The following ITPRID2 variants were observed in gnomAD, a reference collection of about 807,000 sequenced individuals.
ITPRID2 encodes the protein ITPR interacting domain containing 2, also known as protein ITPRID2.
A neutral mutation model predicts 124.3 loss-of-function variants in ITPRID2; 60 were observed. The observed-to-expected ratio is 0.48, with a 90% CI of 0.39 to 0.60. ITPRID2 has a LOEUF of 0.60. Among genes scored for constraint, ITPRID2 ranks in the 20% least tolerant of loss-of-function variants. ITPRID2 has a pLI of 0.00. For synonymous variants in ITPRID2, 521 were observed against 542.9 expected (o/e 0.96, Z 0.56); for missense variants, 1,553 against 1,512.2 (o/e 1.03, Z -0.45).
rs1574273411 is a variant in ITPRID2, at chr2:181,915,566, T to C, written c.1926T>C (p.Ala642=). 1.2e-6 allele frequency: 2 copies of C among 1,614,236 alleles called. No individual in the cohort carries two copies. Among genetic ancestry groups the C allele is most frequent in the Non-Finnish European group, 1.7e-6 (2 of 1,180,046 alleles). The change falls in exon 11 of 18, where the codon GCT becomes GCC. Residue 642 remains alanine (A), a synonymous_variant. Transcript: ENST00000431877. ...ETVELLREAS[A]ESDVGKSSES... ...TAGAGCTACTGAGGGAAGCAAGTGC[T>C]GAAAGTGATGTGGGTAAAAGCAGTG...
At chr2:181,894,680 C>A (rs1307173662) in intron 2 of ITPRID2, 1 of 152,006 alleles carries the variant, frequency 6.6e-6, no homozygotes, top group Non-Finnish European at 1.5e-5. Context: ...ATAAAGATAC[C>A]GTGTTTTCTT....
chr2:181,900,046 C>G (rs954538345), intron 6 of ITPRID2, among the ~76,000 whole-genome samples: 2 of 152,168 alleles, frequency 1.3e-5, no homozygotes, highest in African/African-American at 4.8e-5. Flanking sequence ...TCTTAGAAAG[C>G]TTGGATTATC....
At chr2:181,895,492 GAT>G (rs981686714) in intron 2 of ITPRID2, among the ~76,000 whole-genome samples, 6 of 151,992 alleles carry the variant, frequency 3.9e-5, no homozygotes, top group African/African-American at 1.4e-4. Context: ...TACATAAAAA[GAT>G]AGTTGTTGGG....
In ITPRID2 at chr2:181,929,786, C is replaced by T; in HGVS notation, c.*239C>T. The T allele has an allele frequency of 1.9e-6, 1 of 514,142 alleles. No homozygotes were observed. The highest frequency in any genetic ancestry group is 2.0e-5 in the African/African-American group (1 of 50,784). 31.8% of individuals were successfully genotyped at this position (514,142 alleles called of 1,614,324 possible). The stretch of plus-strand genomic sequence containing the variant: ...CAAAAACTCTAGCAGTTTGAAAAGC[C>T]TAATATTTATTTGTATGTCAGTATT... On this transcript the variant is annotated 3_prime_UTR_variant, in exon 18 of 18. Transcript: ENST00000431877.
chr2:181,895,984 A>C, intron 2 of ITPRID2, 46 bp from the exon 3 acceptor site: 1 of 1,559,480 alleles, frequency 6.4e-7, no homozygotes, highest in Non-Finnish European at 8.8e-7. Flanking sequence ...CAACTTTCCA[A>C]ATAGCCTTTC....
At position 181,919,564 on chromosome 2, in the gene ITPRID2, A is replaced by G. The variant is rs1694333383; in HGVS notation, c.3144+118A>G. 7.0e-6 allele frequency: 8 copies of G among 1,137,258 alleles called. No homozygotes were observed. Among genetic ancestry groups the G allele is most frequent in the African/African-American group, 3.2e-5 (2 of 63,256 alleles). 70.4% of individuals were successfully genotyped at this position (1,137,258 alleles called of 1,614,324 possible). ...TATTTTAATGGTATTAAAAGCATGC[A>G]TACTGTTTAAGGAGCTTTCCCACAA... On this transcript the variant is annotated intron_variant, in intron 14 of 17. Transcript: ENST00000431877. This position sits in a 1 kb window ranked among gnomAD's most constrained non-coding sequence, Gnocchi z 4.2.
At chr2:181,913,782 T>G in intron 9 of ITPRID2, 63 bp from the exon 10 acceptor site, 1 of 1,216,846 alleles carries the variant, frequency 8.2e-7, no homozygotes, top group African/African-American at 1.5e-5. Flanking sequence ...CAGTAATTTC[T>G]TATAGCCACT....
intron 11 of ITPRID2, 88 bp from the exon 12 acceptor site, chr2:181,918,510 G>C: frequency 6.4e-7 from 1 of 1,554,070 alleles, no homozygotes; most frequent in Non-Finnish European, 8.6e-7. Context: ...AAAATATATA[G>C]GCCCCAAATT....
chr2:181,893,646 T>A (rs968848062), intron 2 of ITPRID2: 3 of 152,156 alleles, frequency 2.0e-5, no homozygotes, highest in Non-Finnish European at 2.9e-5. Flanking sequence ...CATAGACCCT[T>A]CTGAAATATG....
chr2:181,901,517 G>A (rs374640599), intron 7 of ITPRID2, among the ~76,000 whole-genome samples: 9 of 152,058 alleles, frequency 5.9e-5, no homozygotes, highest in African/African-American at 2.2e-4. Flanking sequence ...ATTCAATGTT[G>A]CCATTATGCT....
rs987982376 is a variant in ITPRID2 at position 181,914,335 on chromosome 2, C to G, written c.1575+402C>G. On this transcript the variant is annotated intron_variant, in intron 10 of 17. Coordinates refer to ENST00000431877, the MANE Select transcript of ITPRID2 (RefSeq NM_001130445.3). ...GCTGAGTGTTATACTGATTTTTACA[C>G]TAGGTTGTGTGAGATAACCCAGAGA... Among the ~76,000 whole-genome samples the G allele has an allele frequency of 3.3e-5, 5 of 152,192 alleles. No individual in the cohort carries two copies. The East Asian group carries it at 9.6e-4, about 29-fold the overall frequency.
intron 8 of ITPRID2, among the ~76,000 whole-genome samples, chr2:181,908,718 T>C (rs996566693): frequency 2.0e-5 from 3 of 152,204 alleles, no homozygotes; most frequent in African/African-American, 7.2e-5. Context: ...AATTGGGTAA[T>C]ACTATCTTTA....
Position 181,892,522 on chromosome 2 carries a change from G to T in ITPRID2, c.212-93G>T. ...ACGTGTCGCTTAGGCTGCATTTGCC[G>T]TGGTAGATTTTCCTACTTGGGAGGG... On this transcript the variant is annotated intron_variant, in intron 1 of 17. Coordinates refer to ENST00000431877, the MANE Select transcript of ITPRID2 (RefSeq NM_001130445.3). This position sits in a 1 kb window ranked among gnomAD's most constrained non-coding sequence, Gnocchi z 5.2. 2.0e-6 allele frequency: 3 copies of T among 1,490,866 alleles called. No individual in the cohort carries two copies. Among genetic ancestry groups the T allele is most frequent in the Admixed American group, 1.7e-5 (1 of 59,482 alleles). 92.4% of individuals were successfully genotyped at this position (1,490,866 alleles called of 1,614,324 possible).
rs546757350 is a variant in ITPRID2, at chr2:181,892,495, A to G, written c.212-120A>G. The G allele has an allele frequency of 2.3e-6, 3 of 1,314,342 alleles. No individual in the cohort carries two copies. In the African/African-American group the frequency reaches 4.4e-5, roughly 19 times the overall value. The allele number at this position is 1,314,342 out of a possible 1,614,324, so 81.4% of individuals were successfully genotyped here. A position where few individuals can be genotyped will look rare whatever the true frequency, so the allele number is the denominator to read the frequency against. On this transcript the variant is annotated intron_variant, in intron 1 of 17. Coordinates refer to ENST00000431877, the MANE Select transcript of ITPRID2 (RefSeq NM_001130445.3). This position sits in a 1 kb window ranked among gnomAD's most constrained non-coding sequence, Gnocchi z 5.2. Reference sequence around the variant, plus strand: ...CCGATTTCCCTGCCAAGGGACACTGAGACGTGTCGCTTAGGCTGCATTTGC... The same window carrying G: ...CCGATTTCCCTGCCAAGGGACACTGGGACGTGTCGCTTAGGCTGCATTTGC...
In ITPRID2 at chr2:181,927,144, A is replaced by G. The variant is rs1694924656; in HGVS notation, c.3676-1017A>G. On this transcript the variant is annotated intron_variant, in intron 16 of 17. Transcript: ENST00000431877. ...ATGTATTGTGTACCAATTTTGCATG[A>G]TAGACTAATACAGGACCATTTTTGG... Among the ~76,000 whole-genome samples, 4 of 152,200 alleles carry G rather than the reference A, an allele frequency of 2.6e-5. No individual in the cohort carries two copies. In the South Asian group the frequency reaches 8.3e-4, roughly 31 times the overall value.
chr2:181,899,241 AC>A, intron 6 of ITPRID2, 129 bp downstream of exon 6: 3 of 652,034 alleles, frequency 4.6e-6, no homozygotes, highest in Non-Finnish European at 7.9e-6. Context: ...CGTTTCCTGT[AC>A]CAGCACAACT....
At position 181,902,261 on chromosome 2, in the gene ITPRID2, A is replaced by G. The variant is rs147357576; in HGVS notation, c.1208A>G (p.Glu403Gly). 1,427 of 1,613,332 alleles carry G rather than the reference A, an allele frequency of 8.8e-4. 7 individuals are homozygous for G. In the African/African-American group the frequency reaches 0.015, roughly 17 times the overall value. The change falls in exon 8 of 18, where the codon GAG (glutamate) becomes GGG (glycine). Residue 403 changes from glutamate (E) to glycine (G), a missense_variant. Coordinates refer to ENST00000431877, the MANE Select transcript of ITPRID2 (RefSeq NM_001130445.3). This position sits in a 1 kb window ranked among gnomAD's most constrained non-coding sequence, Gnocchi z 4.4. ...CAAAGTAAAGAAACTCAAAGTCATG[A>G]GAGTAAACTGGGTGAGGAATCTGGT... ...NEQSKETQSH[E>G]SKLGEESGIV...
At position 181,896,268 on chromosome 2, in the gene ITPRID2, C is replaced by G. The variant is rs1692191561; in HGVS notation, c.307+189C>G. Among the ~76,000 whole-genome samples the G allele has an allele frequency of 6.6e-6, 1 of 151,960 alleles. No individual in the cohort carries two copies. Among genetic ancestry groups the G allele is most frequent in the Non-Finnish European group, 1.5e-5 (1 of 67,866 alleles). On this transcript the variant is annotated intron_variant, in intron 3 of 17. Transcript: ENST00000431877. The surrounding 1 kb of genome is among the most constrained non-coding windows in gnomAD (Gnocchi z 4.3). ...ACAGTAGGGAGTTTAAGCAAATTGC[C>G]TAGCCTTTTCACAACGTGAAACTTA...
Position 181,892,707 on chromosome 2 carries a change from A to G in ITPRID2, c.257+47A>G, listed in dbSNP as rs377617447. On this transcript the variant is annotated intron_variant, in intron 2 of 17. Transcript: ENST00000431877. This position sits in a 1 kb window ranked among gnomAD's most constrained non-coding sequence, Gnocchi z 5.2. ...CGCGTCCCGGGGGAGATCCGTGCGG[A>G]CGGGACGCCGGAGCAGAGCCACTCG... 11 of 1,611,128 alleles carry G rather than the reference A, an allele frequency of 6.8e-6. No individual in the cohort carries two copies. In the African/African-American group the frequency reaches 1.3e-4, roughly 20 times the overall value.
Sources: allele counts gnomAD v4.1 joint callset (sites outside exome capture counted in the v4.1 genomes callset), GRCh38; gene constraint gnomAD v4.1.1; non-coding constraint Gnocchi (gnomAD v3.1); transcripts MANE v1.5; gene names NCBI Gene and HGNC (gene_info 2026-07-23, HGNC 2026-07-21).